MPG: variants seen among roughly 807,000 people sequenced by gnomAD.
MPG encodes N-methylpurine DNA glycosylase.
In MPG, 33 loss-of-function variants were observed where a neutral mutation model predicts 31.7. The observed-to-expected ratio is 1.04, with a 90% CI of 0.79 to 1.39. The LOEUF (loss-of-function observed/expected upper bound fraction) is 1.39, where lower values mean the gene tolerates loss of function less well. Ranked by LOEUF, MPG falls within the 40% of genes most tolerant of loss-of-function variation. The pLI is 0.00. For missense variants in MPG, 455 were observed against 415.5 expected (o/e 1.10, Z -0.83); for synonymous variants, 202 against 169.2 (o/e 1.19, Z -1.51).
intron 2 of MPG, among the ~76,000 whole-genome samples, chr16:80,814 TA>T (rs138627471): frequency 0.032 from 4,739 of 147,230 alleles, 224 homozygotes; most frequent in African/African-American, 0.11. Flanking sequence ...GTCTCAAAAA[TA>T]AAAAAAAAAT....
At chr16:77,512 G>T (rs1012153281), upstream of MPG, among the ~76,000 whole-genome samples, 27 of 152,350 alleles carry the variant, frequency 1.8e-4, no homozygotes, top group African/African-American at 6.3e-4. Context: ...GCCGTGTTCA[G>T]CCCTGGTCTG....
At chr16:81,962 G>A (rs796851518) in intron 2 of MPG, among the ~76,000 whole-genome samples, 47 of 110,908 alleles carry the variant, frequency 4.2e-4, no homozygotes, top group African/African-American at 2.2e-3. Flanking sequence ...CCTCCTGAAT[G>A]CTCCCCGCGC....
chr16:79,388 C>T, intron 1 of MPG, 37 bp from the exon 2 acceptor site: 1 of 1,613,858 alleles, frequency 6.2e-7, no homozygotes, highest in Non-Finnish European at 8.5e-7. Context: ...CAGCTGTCTC[C>T]TATTCGGATG....
chr16:78,271 G>A lies in MPG; in HGVS notation c.-39G>A. On this transcript the variant is annotated 5_prime_UTR_variant, in exon 1 of 4. Transcript: ENST00000356432. ...GTCGGCGGCTGCTGGGCTCCGCGCC[G>A]GGGTCCGAGTCCCACGAAGCCCCGG... 2 of 1,369,792 alleles carry A rather than the reference G, an allele frequency of 1.5e-6. No individual in the cohort carries two copies. Among genetic ancestry groups the A allele is most frequent in the Non-Finnish European group, 1.9e-6 (2 of 1,057,640 alleles). 84.9% of individuals were successfully genotyped at this position (1,369,792 alleles called of 1,614,324 possible).
chr16:82,723 G>A (rs1376097201), intron 2 of MPG, among the ~76,000 whole-genome samples: 1 of 152,182 alleles, frequency 6.6e-6, no homozygotes, highest in Non-Finnish European at 1.5e-5. Flanking sequence ...GAGGAATCTG[G>A]GGAATGGAGG....
chr16:83,864 G>A (rs1898332340), intron 3 of MPG, among the ~76,000 whole-genome samples: 1 of 152,196 alleles, frequency 6.6e-6, no homozygotes, highest in South Asian at 2.1e-4. Context: ...GCTGATTGGA[G>A]AAGAGGATGA....
intron 2 of MPG, among the ~76,000 whole-genome samples, chr16:81,506 C>T (rs1898234326): frequency 6.6e-6 from 1 of 152,168 alleles, no homozygotes; most frequent in Non-Finnish European, 1.5e-5. Context: ...CTGGCCAAGC[C>T]TGGCCTGTTC....
chr16:83,510 G>T, intron 3 of MPG: 2 of 438,302 alleles, frequency 4.6e-6, no homozygotes, highest in Non-Finnish European at 4.1e-6. Context: ...GGAGGCCGAG[G>T]CGGGCGGATC....
At chr16:77,985 T>G, upstream of MPG, 26 of 198,384 alleles carry the variant, frequency 1.3e-4, no homozygotes, top group East Asian at 3.3e-4. Context: ...GGACAGCTCA[T>G]TGGGAGGGGC....
intron 3 of MPG, chr16:84,144 C>T (rs1898346785): frequency 6.6e-6 from 1 of 152,332 alleles, no homozygotes; most frequent in African/African-American, 2.4e-5. Flanking sequence ...GGCGTGTGCC[C>T]TGCACCCACA....
At chr16:80,070 G>C (rs1440672008) in intron 2 of MPG, among the ~76,000 whole-genome samples, 1 of 152,260 alleles carries the variant, frequency 6.6e-6, no homozygotes, top group African/African-American at 2.4e-5. Context: ...TCCCGCTGTA[G>C]TGGCTCACAG....
intron 1 of MPG, chr16:79,209 G>A (rs1033380451): frequency 2.6e-6 from 4 of 1,549,774 alleles, no homozygotes; most frequent in Non-Finnish European, 3.5e-6. Flanking sequence ...CCTGCCCCCA[G>A]CAGCAGCCGT....
chr16:79,414 TCCC>T lies in MPG; in HGVS notation c.25-10_25-8del. ...TATTCGGATGCTTATTTATTTTTTT[TCCC>T]ATTACAGTTTTGCCGACGGATGGGG... On this transcript the variant is annotated splice_polypyrimidine_tract_variant and splice_region_variant and intron_variant, in intron 1 of 3. Coordinates refer to ENST00000356432, the MANE Select transcript of MPG (RefSeq NM_001015052.3). 6.2e-7 allele frequency: 1 copy of T among 1,613,498 alleles called. No homozygotes were observed. The highest frequency in any genetic ancestry group is 1.1e-5 in the South Asian group (1 of 91,084).
intron 2 of MPG, among the ~76,000 whole-genome samples, chr16:80,683 C>T (rs1018080713): frequency 6.6e-6 from 1 of 152,156 alleles, no homozygotes; most frequent in African/African-American, 2.4e-5. Flanking sequence ...ATGACGGGCG[C>T]CTCTAATCTC....
upstream of MPG, among the ~76,000 whole-genome samples, chr16:77,475 A>G (rs1345382531): frequency 1.3e-5 from 2 of 152,160 alleles, no homozygotes; most frequent in African/African-American, 4.8e-5. Context: ...GAGGCCTCAG[A>G]AGCGTAGGAC....
chr16:83,097 A>G lies in MPG; in HGVS notation c.346A>G (p.Ile116Val), dbSNP rs1376675397. 8 of 1,612,242 alleles carry G rather than the reference A, an allele frequency of 5.0e-6. No individual in the cohort carries two copies. The highest frequency in any genetic ancestry group is 1.3e-5 in the African/African-American group (1 of 75,006). ...TAATGGCACAGAACTCCGAGGCCGC[A>G]TCGTGGAGACCGAGGCATACCTGGG... Reference protein sequence around the residue: ...LPNGTELRGRIVETEAYLGPE... With the variant: ...LPNGTELRGRVVETEAYLGPE... The change falls in exon 3 of 4, where the codon ATC becomes GTC. Residue 116 changes from isoleucine (I) to valine (V), a missense_variant. Ile to Val is a conservative substitution (Grantham distance 29). Transcript: ENST00000356432.
In MPG at chr16:83,065, G is replaced by A. The variant is rs765313561; in HGVS notation, c.314G>A (p.Arg105Gln). The part of the protein sequence containing the change: ...RAFLGQVLVR[R>Q]LPNGTELRGR... ...GACTGCCCACAGGTCCTAGTCCGGC[G>A]ACTTCCTAATGGCACAGAACTCCGA... is the stretch of plus-strand genomic sequence containing the variant. Residue 105 changes from arginine (R) to glutamine (Q), a missense_variant, in exon 3 of 4, where the codon CGA becomes CAA. By Grantham distance (43) the Arg-to-Gln change is conservative. Transcript: ENST00000356432. 84 of 1,603,670 alleles carry A rather than the reference G, an allele frequency of 5.2e-5. No individual in the cohort carries two copies. The highest frequency in any genetic ancestry group is 8.0e-5 in the African/African-American group (6 of 74,850).
chr16:81,537 G>A, intron 2 of MPG, among the ~76,000 whole-genome samples: 1 of 73,570 alleles, frequency 1.4e-5, no homozygotes, highest in East Asian at 3.0e-4. Context: ...TCATGGCTCT[G>A]GATGCCTAAG....
At chr16:78,433 G>T in intron 1 of MPG, 100 bp downstream of exon 1, 1 of 1,014,424 alleles carries the variant, frequency 9.9e-7, no homozygotes. Context: ...GACGGGCGTA[G>T]CGCCCACCGC....
Sources: gnomAD v4.1 joint callset for allele counts (sites outside exome capture counted in the v4.1 genomes callset) on GRCh38, gnomAD v4.1.1 for gene constraint, MANE v1.5 for transcripts, NCBI Gene and HGNC (gene_info 2026-07-23, HGNC 2026-07-21) for gene names.